MYH15: variants seen among roughly 807,000 people sequenced by gnomAD.
MYH15 encodes myosin heavy chain 15.
A neutral mutation model predicts 240.5 loss-of-function variants in MYH15; 227 were observed. The observed-to-expected ratio is 0.94, with a 90% CI of 0.85 to 1.05. The LOEUF (loss-of-function observed/expected upper bound fraction) is 1.05, where lower values mean the gene tolerates loss of function less well. Among genes scored for constraint, MYH15 ranks in the 50% least tolerant of loss-of-function variants. MYH15 has a pLI of 0.00. For synonymous variants in MYH15, 785 were observed against 796.7 expected (o/e 0.99, Z 0.25); for missense variants, 2,217 against 2,247.5 (o/e 0.99, Z 0.27).
intron 38 of MYH15, among the ~76,000 whole-genome samples, chr3:108,386,349 T>C (rs889397915): frequency 6.6e-6 from 1 of 152,176 alleles, no homozygotes; most frequent in Non-Finnish European, 1.5e-5. Flanking sequence ...ACCATGACTA[T>C]GCACGTCCTA....
chr3:108,523,898 T>A (rs1286248793), intron 1 of MYH15, among the ~76,000 whole-genome samples: 1 of 151,874 alleles, frequency 6.6e-6, no homozygotes, highest in Non-Finnish European at 1.5e-5. Flanking sequence ...CTCAAATGCA[T>A]TATTTTAATG....
At chr3:108,518,560 C>T (rs998179809) in intron 1 of MYH15, among the ~76,000 whole-genome samples, 8 of 152,178 alleles carry the variant, frequency 5.3e-5, no homozygotes, top group African/African-American at 1.9e-4. Context: ...GTTAACAGAG[C>T]CTATAGAGCT....
intron 1 of MYH15, among the ~76,000 whole-genome samples, chr3:108,516,219 G>A (rs1559674668): frequency 6.6e-6 from 1 of 152,132 alleles, no homozygotes; most frequent in Non-Finnish European, 1.5e-5. Context: ...CTTCATCAAG[G>A]TACGTTATTA....
intron 28 of MYH15, among the ~76,000 whole-genome samples, chr3:108,418,409 C>G (rs2082652341): frequency 1.3e-5 from 2 of 152,160 alleles, no homozygotes; most frequent in South Asian, 4.1e-4. Flanking sequence ...ACAATTTTTA[C>G]CAGTATGTTT....
intron 3 of MYH15, among the ~76,000 whole-genome samples, chr3:108,501,028 G>T (rs1256878481): frequency 6.6e-6 from 1 of 152,200 alleles, no homozygotes; most frequent in Non-Finnish European, 1.5e-5. Context: ...CTGGCCTCCA[G>T]CATTGTAAGA....
At chr3:108,453,388 T>A (rs542650831) in intron 21 of MYH15, among the ~76,000 whole-genome samples, 2 of 152,344 alleles carry the variant, frequency 1.3e-5, no homozygotes, top group South Asian at 4.1e-4. Context: ...AGACAATATA[T>A]GCTAACGAAA....
At chr3:108,538,241 T>C in the MYH15 span, among the ~76,000 whole-genome samples, 1 of 152,332 alleles carries the variant, frequency 6.6e-6, no homozygotes, top group East Asian at 1.9e-4. Context: ...AGTTGTTAGA[T>C]GCCAGACTGA....
At chr3:108,386,618 TCTC>T (rs944687999) in intron 38 of MYH15, among the ~76,000 whole-genome samples, 10 of 151,826 alleles carry the variant, frequency 6.6e-5, no homozygotes, top group African/African-American at 2.4e-4. Flanking sequence ...GCTCTTCCCT[TCTC>T]CTCTTCCTCC....
chr3:108,500,137 G>C lies in MYH15; in HGVS notation c.477C>G (p.Ala159=). ...ACTCACTGTGAAGCATGTCCTGAAA[G>C]GCGTTATTGGCAACAGCAAAGATGT... ...PPHIFAVANN[A]FQDMLHNREN... The change falls in exon 4 of 41, where the codon GCC becomes GCG. Residue 159 remains alanine (A), a synonymous_variant. Coordinates refer to ENST00000693548, the MANE Select transcript of MYH15 (RefSeq NM_014981.3). The C allele has an allele frequency of 1.9e-6, 3 of 1,613,742 alleles. No homozygotes were observed. The highest frequency in any genetic ancestry group is 2.5e-6 in the Non-Finnish European group (3 of 1,179,868).
At chr3:108,462,299 C>T (rs916003850) in intron 16 of MYH15, among the ~76,000 whole-genome samples, 1 of 152,056 alleles carries the variant, frequency 6.6e-6, no homozygotes, top group African/African-American at 2.4e-5. Context: ...ATGCATGTAG[C>T]CTGTCTGTCT....
rs189746829 is a variant in MYH15 at position 108,502,834 on chromosome 3, C to T, written c.196-979G>A. On this transcript the variant is annotated intron_variant, in intron 2 of 40. Transcript: ENST00000693548. ...TCTTTGACATTGTTCTAACAGTAAT[C>T]CCTCTTCTTTTGAGTCCCTTCACTT... 3.6e-4 allele frequency among the ~76,000 whole-genome samples: 55 copies of T among 152,204 alleles called. No homozygotes were observed. In the South Asian group the frequency reaches 6.6e-3, roughly 18 times the overall value.
chr3:108,525,961 T>C lies in MYH15; in HGVS notation c.-58+3302A>G, dbSNP rs891788048. Among the ~76,000 whole-genome samples the C allele has an allele frequency of 2.6e-5, 4 of 152,124 alleles. No individual in the cohort carries two copies. In the East Asian group the frequency reaches 5.8e-4, roughly 22 times the overall value. Reference sequence around the variant, plus strand: ...GGCATATAGTAGGCAAACAAACATCTTTGATTTTATTCTTTGATCATGTCT... The same window carrying C: ...GGCATATAGTAGGCAAACAAACATCCTTGATTTTATTCTTTGATCATGTCT... On this transcript the variant is annotated intron_variant, in intron 1 of 41. Transcript: ENST00000273353.
chr3:108,433,892 A>G (rs1020421634), intron 25 of MYH15, among the ~76,000 whole-genome samples: 10 of 152,214 alleles, frequency 6.6e-5, no homozygotes, highest in African/African-American at 2.4e-4. Context: ...CTGCTTTCCC[A>G]CTAGAGGAAA....
the MYH15 span, among the ~76,000 whole-genome samples, chr3:108,535,798 AC>A: frequency 6.6e-6 from 1 of 151,962 alleles, no homozygotes; most frequent in East Asian, 1.9e-4. Context: ...AAAACAGGCC[AC>A]CCCCCAAAAG....
intron 38 of MYH15, among the ~76,000 whole-genome samples, chr3:108,388,607 AC>A (rs2082400500): frequency 6.6e-6 from 1 of 152,008 alleles, no homozygotes; most frequent in Non-Finnish European, 1.5e-5. Context: ...CTGGGTAGCC[AC>A]CCCGAGCCTC....
upstream of MYH15, among the ~76,000 whole-genome samples, chr3:108,513,148 T>G (rs2083533760): frequency 6.6e-6 from 1 of 152,030 alleles, no homozygotes. Flanking sequence ...AGTAAACAAA[T>G]TAACCTTGCC....
At chr3:108,536,778 GT>G in the MYH15 span, among the ~76,000 whole-genome samples, 2 of 152,206 alleles carry the variant, frequency 1.3e-5, no homozygotes, top group African/African-American at 4.8e-5. Context: ...ATATTAGAAT[GT>G]ACACTTACGG....
chr3:108,424,489 A>T (rs1179631959), intron 27 of MYH15, among the ~76,000 whole-genome samples: 1 of 152,236 alleles, frequency 6.6e-6, no homozygotes, highest in Non-Finnish European at 1.5e-5. Flanking sequence ...GATACCAGGG[A>T]TGAGAAGGTT....
intron 7 of MYH15, 45 bp downstream of exon 7, chr3:108,495,735 T>C: frequency 6.7e-7 from 1 of 1,485,854 alleles, no homozygotes; most frequent in Non-Finnish European, 9.3e-7. Context: ...TTACCATTGC[T>C]TACAAATTAA....
Sources: allele counts gnomAD v4.1 joint callset (sites outside exome capture counted in the v4.1 genomes callset), GRCh38; gene constraint gnomAD v4.1.1; transcripts MANE v1.5; gene names NCBI Gene and HGNC (gene_info 2026-07-23, HGNC 2026-07-21).